Variants in PWWP3B observed in about 807,000 individuals in gnomAD.
PWWP3B encodes the protein PWWP domain containing 3B.
PWWP3B carries 5 observed loss-of-function variants against 15.7 expected under a neutral mutation model. The observed-to-expected ratio is 0.32, with a 90% confidence interval of 0.17 to 0.67. PWWP3B has a LOEUF of 0.67. Ranked by LOEUF, PWWP3B falls within the 30% of genes least tolerant of loss-of-function variation. The pLI, the probability that PWWP3B is intolerant of heterozygous loss-of-function variation, is 0.74. For missense variants in PWWP3B, 519 were observed against 493.1 expected, an observed-to-expected ratio of 1.05 and a Z score of -0.50; for synonymous variants, 203 against 179.8, an observed-to-expected ratio of 1.13 and a Z score of -1.03.
At chrX:106,175,040 CAAA>C (rs61441273) in intron 2 of PWWP3B, among the ~76,000 whole-genome samples, 3 of 43,523 alleles carry the variant, frequency 6.9e-5, no homozygotes, top group Non-Finnish European at 9.4e-5. Flanking sequence ...GACTCTGTCT[CAAA>C]AAAAAAAAAA....
At chrX:106,181,164 G>C (rs765466714) in intron 2 of PWWP3B, among the ~76,000 whole-genome samples, 11 of 111,765 alleles carry the variant, frequency 9.8e-5, no homozygotes, top group African/African-American at 3.6e-4. Context: ...GTGGACCTTC[G>C]CAGTGAGTGT....
intron 2 of PWWP3B, among the ~76,000 whole-genome samples, chrX:106,194,425 T>C (rs1480840616): frequency 1.8e-5 from 2 of 111,813 alleles, no homozygotes; most frequent in African/African-American, 6.5e-5. Context: ...CATTGGTTAT[T>C]CTAGTTATAC....
At chrX:106,179,875 C>T (rs886177910) in intron 2 of PWWP3B, among the ~76,000 whole-genome samples, 2 of 112,182 alleles carry the variant, frequency 1.8e-5, no homozygotes, top group Admixed American at 1.9e-4. Context: ...ATTATATATG[C>T]TAAACTCCTG....
chrX:106,184,748 A>C (rs980212719), intron 2 of PWWP3B, among the ~76,000 whole-genome samples: 3 of 111,989 alleles, frequency 2.7e-5, no homozygotes, highest in Non-Finnish European at 5.6e-5. Flanking sequence ...GGATTGTCTG[A>C]AAACTTCCCC....
chrX:106,189,930 A>T (rs1281954221), intron 2 of PWWP3B, among the ~76,000 whole-genome samples: 1 of 112,311 alleles, frequency 8.9e-6, no homozygotes, highest in East Asian at 2.8e-4. Flanking sequence ...CATTTTCTTA[A>T]TCCAGTCTAT....
At chrX:106,189,805 G>T (rs1167787879) in intron 2 of PWWP3B, among the ~76,000 whole-genome samples, 1 of 108,978 alleles carries the variant, frequency 9.2e-6, no homozygotes, top group Middle Eastern at 4.3e-3. Context: ...TTTTAGTAGA[G>T]ACGGGGTTTC....
intron 2 of PWWP3B, among the ~76,000 whole-genome samples, chrX:106,188,113 T>C (rs193136044): frequency 9.0e-6 from 1 of 111,610 alleles, no homozygotes; most frequent in Non-Finnish European, 1.9e-5. Context: ...TCATGTACTG[T>C]ACAATGCTGA....
At chrX:106,191,099 G>T (rs1255409510) in intron 2 of PWWP3B, among the ~76,000 whole-genome samples, 1 of 109,674 alleles carries the variant, frequency 9.1e-6, no homozygotes, top group East Asian at 2.9e-4. Context: ...TTGGTAGCTT[G>T]ATGGGGATGG....
At chrX:106,193,059 C>T (rs948509332) in intron 2 of PWWP3B, among the ~76,000 whole-genome samples, 8 of 111,139 alleles carry the variant, frequency 7.2e-5, no homozygotes, top group Admixed American at 4.8e-4. Flanking sequence ...CTATTAGGTC[C>T]GCTTGGTGCA....
At position 106,205,566 on chromosome X, in the gene PWWP3B, A is replaced by G. The variant is rs746517862; in HGVS notation, c.134A>G (p.Asp45Gly). The part of the protein sequence containing the change: ...FSLEVQILSL[D>G]EKIKLDSTET... ...CTAGAAGTTCAAATACTCTCACTAG[A>G]TGAAAAAATTAAATTGGACAGCACA... Residue 45 changes from aspartate (D) to glycine (G), a missense_variant, in exon 4 of 4, where the codon GAT becomes GGT. By Grantham distance (94) the Asp-to-Gly change is moderately conservative. Coordinates refer to ENST00000357175, the MANE Select transcript of PWWP3B (RefSeq NM_001171020.2). 6 of 1,206,637 alleles carry G rather than the reference A, an allele frequency of 5.0e-6. No individual in the cohort carries two copies. Among genetic ancestry groups the G allele is most frequent in the Middle Eastern group, 4.6e-4 (2 of 4,339 alleles).
At chrX:106,195,548 T>C (rs1923326242) in intron 2 of PWWP3B, among the ~76,000 whole-genome samples, 2 of 111,814 alleles carry the variant, frequency 1.8e-5, no homozygotes, top group Non-Finnish European at 1.9e-5. Context: ...TGGTGTGTGA[T>C]GTCCAGTTGT....
intron 2 of PWWP3B, among the ~76,000 whole-genome samples, chrX:106,193,839 C>A (rs901961114): frequency 2.7e-5 from 3 of 112,048 alleles, no homozygotes; most frequent in Non-Finnish European, 5.6e-5. Context: ...GTTGAAAATT[C>A]TTTTCTTTAA....
chrX:106,188,462 C>T (rs1212076342), intron 2 of PWWP3B, among the ~76,000 whole-genome samples: 2 of 111,846 alleles, frequency 1.8e-5, no homozygotes, highest in Middle Eastern at 4.2e-3. Flanking sequence ...CAGTAAAATA[C>T]AAATGTCTTA....
Position 106,207,196 on chromosome X carries a change from T to C in PWWP3B, c.1764T>C (p.Asn588=). The C allele has an allele frequency of 8.3e-7, 1 of 1,208,056 alleles. No individual in the cohort carries two copies. The highest frequency in any genetic ancestry group is 1.8e-5 in the South Asian group (1 of 56,143). ...KGSRWLKSFL[N]ANRFTPCIET... ...CCAGATGGCTGAAATCATTTTTGAA[T>C]GCAAATAGGTTCACACCCTGTATTG... is the stretch of plus-strand genomic sequence containing the variant. The change falls in exon 4 of 4, where the codon AAT becomes AAC. Residue 588 remains asparagine, a synonymous_variant. Transcript: ENST00000357175.
Position 106,208,274 on chromosome X carries a change from C to T in PWWP3B, c.*751C>T, listed in dbSNP as rs2055582004. 8.1e-6 allele frequency: 1 copy of T among 123,334 alleles called. No individual in the cohort carries two copies. Among genetic ancestry groups the T allele is most frequent in the Non-Finnish European group, 1.9e-5 (1 of 53,312 alleles). 10.2% of individuals were successfully genotyped at this position (123,334 alleles called of 1,213,427 possible). A position where few individuals can be genotyped will look rare whatever the true frequency, so the allele number is the denominator to read the frequency against. On this transcript the variant is annotated 3_prime_UTR_variant, in exon 4 of 4. Transcript: ENST00000357175. ...CTATCCTTCAATGGCTGAATAGTTC[C>T]TTAAATCAGACAAGCTCCTGGCTAT...
chrX:106,199,331 C>T (rs1923562772), intron 2 of PWWP3B, among the ~76,000 whole-genome samples: 2 of 112,197 alleles, frequency 1.8e-5, no homozygotes, highest in Admixed American at 9.4e-5. Flanking sequence ...GCTGGGATTA[C>T]AGGCGTGAGC....
intron 2 of PWWP3B, among the ~76,000 whole-genome samples, chrX:106,199,380 C>G (rs1023699346): frequency 1.8e-5 from 2 of 111,448 alleles, no homozygotes; most frequent in Non-Finnish European, 3.8e-5. Flanking sequence ...TGTATAAGAT[C>G]AACTATTTTG....
At chrX:106,191,406 G>A (rs1390987483) in intron 2 of PWWP3B, among the ~76,000 whole-genome samples, 2 of 111,747 alleles carry the variant, frequency 1.8e-5, no homozygotes, top group Non-Finnish European at 3.8e-5. Flanking sequence ...CCTGAGATTT[G>A]CTGAAGTTGC....
At chrX:106,189,203 C>CT (rs1165614165) in intron 2 of PWWP3B, among the ~76,000 whole-genome samples, 2 of 111,471 alleles carry the variant, frequency 1.8e-5, no homozygotes, top group Non-Finnish European at 3.8e-5. Context: ...TTAGCTATTC[C>CT]TTTTTTTAAC....
Sources: gnomAD v4.1 joint callset for allele counts (sites outside exome capture counted in the v4.1 genomes callset) on GRCh38, gnomAD v4.1.1 for gene constraint, MANE v1.5 for transcripts, NCBI Gene and HGNC (gene_info 2026-07-23, HGNC 2026-07-21) for gene names.